The following DISC1 variants were observed in gnomAD, a reference collection of about 807,000 sequenced individuals.
DISC1 encodes disrupted in schizophrenia 1 protein.
Under a neutral mutation model 84.5 loss-of-function variants are expected in DISC1, and 57 were observed. The ratio of observed to expected loss-of-function variants is 0.67; its 90% confidence interval spans 0.55 to 0.84. The LOEUF (loss-of-function observed/expected upper bound fraction) is 0.84, where lower values mean the gene tolerates loss of function less well. DISC1 is among the 40% of genes least tolerant of loss of function. DISC1 has a pLI of 0.00. For synonymous variants in DISC1, 411 were observed against 415.2 expected, an observed-to-expected ratio of 0.99 and a Z score of 0.12; for missense variants, 1,000 against 1,057.8, an observed-to-expected ratio of 0.95 and a Z score of 0.76.
chr1:231,951,054 A>G lies in DISC1; in HGVS notation c.1982-7774A>G, dbSNP rs144828058. Among the ~76,000 whole-genome samples, 84 of 152,324 alleles carry G rather than the reference A, an allele frequency of 5.5e-4. No individual in the cohort carries two copies. The East Asian group carries it at 0.015, about 28-fold the overall frequency. ...GGAGGCATCAACATAGTTCAGAATA[A>G]TTGATTTTACTTTTTTCATGGACAA... On this transcript the variant is annotated intron_variant, in intron 9 of 12. Coordinates refer to ENST00000439617, the MANE Select transcript of DISC1 (RefSeq NM_018662.3).
intron 1 of DISC1, among the ~76,000 whole-genome samples, chr1:231,631,954 C>A (rs2058744812): frequency 6.6e-6 from 1 of 152,166 alleles, no homozygotes; most frequent in African/African-American, 2.4e-5. Context: ...CCTGCAAGCT[C>A]CATGCATGAT....
chr1:231,963,467 C>T (rs1263879697), intron 10 of DISC1, among the ~76,000 whole-genome samples: 1 of 152,162 alleles, frequency 6.6e-6, no homozygotes, highest in African/African-American at 2.4e-5. Context: ...GCCCTTGACA[C>T]ACAGGCATAG....
intron 4 of DISC1, among the ~76,000 whole-genome samples, chr1:231,755,445 G>C (rs143506261): frequency 1.8e-3 from 276 of 152,028 alleles, no homozygotes; most frequent in Admixed American, 4.8e-3. Context: ...TGAGTCTTCA[G>C]ATACTGTTTC....
Position 231,897,310 on chromosome 1 carries a change from CTTCT to C in DISC1, c.1982-61515_1982-61512del, listed in dbSNP as rs2087773444. Among the ~76,000 whole-genome samples, 1 of 152,168 alleles carries C rather than the reference CTTCT, an allele frequency of 6.6e-6. No individual in the cohort carries two copies. The highest frequency in any genetic ancestry group is 6.5e-5 in the Admixed American group (1 of 15,274). On this transcript the variant is annotated intron_variant, in intron 9 of 12. Transcript: ENST00000439617. The surrounding 1 kb of genome is among the most constrained non-coding windows in gnomAD (Gnocchi z 4.5). ...GAATTAATAGTCAAACCTGATATAG[CTTCT>C]TTGTCACTGTGTCTTTTCCTTGAAA...
intron 9 of DISC1, among the ~76,000 whole-genome samples, chr1:231,824,120 C>T (rs950591788): frequency 6.6e-6 from 1 of 152,162 alleles, no homozygotes; most frequent in Non-Finnish European, 1.5e-5. Flanking sequence ...CTTCTTTCCT[C>T]TGAGCTTTGG....
At chr1:231,933,977 T>C (rs1029773965) in intron 9 of DISC1, among the ~76,000 whole-genome samples, 1 of 152,170 alleles carries the variant, frequency 6.6e-6, no homozygotes, top group Non-Finnish European at 1.5e-5. Context: ...GCAAAATTAT[T>C]GTTGTGAACA....
intron 9 of DISC1, among the ~76,000 whole-genome samples, chr1:231,848,510 A>G (rs930353653): frequency 6.6e-6 from 1 of 152,226 alleles, no homozygotes; most frequent in African/African-American, 2.4e-5. Context: ...GGGTAGCCTG[A>G]GAATCTGCAT....
At chr1:231,828,544 A>G (rs2082016919) in intron 9 of DISC1, among the ~76,000 whole-genome samples, 1 of 152,218 alleles carries the variant, frequency 6.6e-6, no homozygotes, top group Admixed American at 6.5e-5. Context: ...AATTCTCTGA[A>G]GTCAAAGCTG....
At chr1:231,756,379 A>T (rs940906788) in intron 4 of DISC1, among the ~76,000 whole-genome samples, 1 of 152,202 alleles carries the variant, frequency 6.6e-6, no homozygotes. Flanking sequence ...ACAAGACTGT[A>T]TTATATTTAT....
At chr1:231,733,768 G>C (rs2072026313) in intron 3 of DISC1, among the ~76,000 whole-genome samples, 1 of 146,538 alleles carries the variant, frequency 6.8e-6, no homozygotes, top group Non-Finnish European at 1.5e-5. Flanking sequence ...AGTGGTGGTA[G>C]TGGTGGTGGT....
intron 10 of DISC1, among the ~76,000 whole-genome samples, chr1:232,006,539 T>C (rs1244746227): frequency 5.3e-5 from 8 of 152,062 alleles, no homozygotes; most frequent in Admixed American, 5.2e-4. Context: ...GTGGAAGAAA[T>C]GTCTAAGCAG....
intron 6 of DISC1, among the ~76,000 whole-genome samples, chr1:231,794,774 ATG>A (rs2078628822): frequency 6.6e-6 from 1 of 152,166 alleles, no homozygotes; most frequent in African/African-American, 2.4e-5. Flanking sequence ...TACTTTAAAT[ATG>A]TGTCTCTCCT....
In DISC1 at chr1:231,982,879, C is replaced by T. The variant is rs374621177; in HGVS notation, c.2042+23991C>T. The stretch of plus-strand genomic sequence containing the variant: ...TTTCAGTCAAGGACAGATCAGGACA[C>T]AGAAACCACCTAGTAATTTAAACAG... On this transcript the variant is annotated intron_variant, in intron 10 of 12. Coordinates refer to ENST00000439617, the MANE Select transcript of DISC1 (RefSeq NM_018662.3). Among the ~76,000 whole-genome samples, 59 of 152,280 alleles carry T rather than the reference C, an allele frequency of 3.9e-4. No homozygotes were observed. In the South Asian group the frequency reaches 0.012, roughly 31 times the overall value.
At chr1:231,952,787 C>T (rs1465383685) in intron 9 of DISC1, among the ~76,000 whole-genome samples, 3 of 150,898 alleles carry the variant, frequency 2.0e-5, no homozygotes, top group African/African-American at 4.9e-5. Flanking sequence ...ATGTTCTTCC[C>T]TACATTTTAC....
chr1:231,982,582 A>T (rs1382091705), intron 10 of DISC1, among the ~76,000 whole-genome samples: 1 of 152,212 alleles, frequency 6.6e-6, no homozygotes, highest in Non-Finnish European at 1.5e-5. Context: ...TCATGGTGCT[A>T]CAAAGAAAAT....
At chr1:231,861,854 T>C (rs1454950449) in intron 9 of DISC1, among the ~76,000 whole-genome samples, 1 of 152,170 alleles carries the variant, frequency 6.6e-6, no homozygotes, top group African/African-American at 2.4e-5. Context: ...GTTTGCTCAC[T>C]CATCTGTAGG....
chr1:231,673,913 TCCTATG>T (rs1351226477), intron 1 of DISC1, among the ~76,000 whole-genome samples: 7 of 152,216 alleles, frequency 4.6e-5, no homozygotes, highest in African/African-American at 1.7e-4. Context: ...ACGAGTTTAG[TCCTATG>T]CTCTAAGACA....
chr1:231,627,303 G>T (rs1205452838), intron 1 of DISC1, among the ~76,000 whole-genome samples: 1 of 152,130 alleles, frequency 6.6e-6, no homozygotes, highest in African/African-American at 2.4e-5. Flanking sequence ...GGACACCTGC[G>T]CCGCCTGCAC....
rs115469125 is a variant in DISC1, at chr1:231,695,719, C to T, written c.1047+914C>T. ...GTGTGTGTGCACTCATGTGTTTCTGCGTGTGGTGTGTGGATATGTTCATGT... is the reference window on the plus strand; with the variant it reads ...GTGTGTGTGCACTCATGTGTTTCTGTGTGTGGTGTGTGGATATGTTCATGT... On this transcript the variant is annotated intron_variant, in intron 2 of 12. Transcript: ENST00000439617. Among the ~76,000 whole-genome samples, 1,118 of 152,028 alleles carry T rather than the reference C, an allele frequency of 7.4e-3. 9 individuals are homozygous for T. The highest frequency in any genetic ancestry group is 0.025 in the African/African-American group (1,023 of 41,460).
Sources: gnomAD v4.1 joint callset for allele counts (sites outside exome capture counted in the v4.1 genomes callset) on GRCh38, gnomAD v4.1.1 for gene constraint, Gnocchi (gnomAD v3.1) non-coding constraint, MANE v1.5 for transcripts, NCBI Gene and HGNC (gene_info 2026-07-23, HGNC 2026-07-21) for gene names.